The following TNR variants were observed in gnomAD, a reference collection of about 807,000 sequenced individuals.
TNR encodes tenascin R, also known as tenascin-R.
A neutral mutation model predicts 150.4 loss-of-function variants in TNR; 45 were observed. The ratio of observed to expected loss-of-function variants is 0.30; its 90% CI spans 0.24 to 0.38. The LOEUF (loss-of-function observed/expected upper bound fraction) is 0.38, where lower values mean the gene tolerates loss of function less well. Ranked by LOEUF, TNR falls within the 10% of genes least tolerant of loss-of-function variation. TNR has a pLI of 1.00. For synonymous variants in TNR, 687 were observed against 678.4 expected, an observed-to-expected ratio of 1.01 and a Z score of -0.20; for missense variants, 1,544 against 1,759.1, an observed-to-expected ratio of 0.88 and a Z score of 2.19.
chr1:175,656,090 G>C (rs1373390962), intron 1 of TNR, among the ~76,000 whole-genome samples: 2 of 151,628 alleles, frequency 1.3e-5, no homozygotes, highest in Non-Finnish European at 2.9e-5. Flanking sequence ...CCCAGACAGG[G>C]CACCTTTAAA....
intron 1 of TNR, among the ~76,000 whole-genome samples, chr1:175,643,914 C>G (rs1664738339): frequency 6.6e-6 from 1 of 152,180 alleles, no homozygotes; most frequent in South Asian, 2.1e-4. Context: ...TGAAAGTCAG[C>G]AATCATGTGC....
chr1:175,479,547 T>TGGAAAAC (rs1483336297), intron 2 of TNR, among the ~76,000 whole-genome samples: 14 of 152,150 alleles, frequency 9.2e-5, no homozygotes, highest in African/African-American at 3.4e-4. Flanking sequence ...AATTCTCAAG[T>TGGAAAAC]TTTCCATGAG....
In TNR at chr1:175,741,352, G is replaced by A. The variant is rs78483896; in HGVS notation, c.-165+1874C>T. On this transcript the variant is annotated intron_variant, in intron 1 of 22. Transcript: ENST00000367674. Reference sequence around the variant, plus strand: ...CTTTTTTTTCAGAGAAAATTTAAGGGCATTAATGAGATAATGACTACTAAG... The same window carrying A: ...CTTTTTTTTCAGAGAAAATTTAAGGACATTAATGAGATAATGACTACTAAG... Among the ~76,000 whole-genome samples the A allele has an allele frequency of 4.6e-5, 7 of 152,222 alleles. No homozygotes were observed. The East Asian group carries it at 1.3e-3, about 29-fold the overall frequency.
chr1:175,678,252 G>A (rs1264348235), intron 1 of TNR, among the ~76,000 whole-genome samples: 2 of 152,282 alleles, frequency 1.3e-5, no homozygotes, highest in East Asian at 1.9e-4. Context: ...TGGAATGATG[G>A]AATTTTGTGC....
intron 2 of TNR, among the ~76,000 whole-genome samples, chr1:175,414,220 T>C (rs1302255733): frequency 6.6e-6 from 1 of 151,704 alleles, no homozygotes; most frequent in Non-Finnish European, 1.5e-5. Context: ...CAGTTTACGG[T>C]ATTTTCTTTT....
intron 1 of TNR, among the ~76,000 whole-genome samples, chr1:175,674,575 G>A (rs561657201): frequency 2.0e-5 from 3 of 152,198 alleles, no homozygotes; most frequent in Non-Finnish European, 4.4e-5. Flanking sequence ...TGTGGGGTTA[G>A]GGGGAGCAGT....
At chr1:175,581,207 T>A (rs1415225793) in intron 1 of TNR, among the ~76,000 whole-genome samples, 3 of 152,174 alleles carry the variant, frequency 2.0e-5, no homozygotes, top group Admixed American at 1.3e-4. Flanking sequence ...GAACCGCTCA[T>A]CCTTGCCTAC....
At chr1:175,523,774 G>A (rs1017902679) in intron 2 of TNR, among the ~76,000 whole-genome samples, 5 of 152,154 alleles carry the variant, frequency 3.3e-5, no homozygotes, top group African/African-American at 9.7e-5. Context: ...ACATGATCAT[G>A]TCACTCCTGC....
At chr1:175,374,164 G>C (rs897591904) in intron 9 of TNR, among the ~76,000 whole-genome samples, 1 of 152,196 alleles carries the variant, frequency 6.6e-6, no homozygotes, top group African/African-American at 2.4e-5. Context: ...TGGACATTGA[G>C]TGCCGTGGTC....
intron 1 of TNR, among the ~76,000 whole-genome samples, chr1:175,739,533 T>G (rs746508336): frequency 6.6e-6 from 1 of 151,776 alleles, no homozygotes; most frequent in Non-Finnish European, 1.5e-5. Flanking sequence ...CACACACACA[T>G]TCACCAAAGT....
At chr1:175,531,791 C>T (rs1382391604) in intron 1 of TNR, among the ~76,000 whole-genome samples, 1 of 152,242 alleles carries the variant, frequency 6.6e-6, no homozygotes, top group Non-Finnish European at 1.5e-5. Flanking sequence ...ATTATATTTT[C>T]CTTCCTCATC....
At chr1:175,735,833 C>T (rs866712945) in intron 1 of TNR, among the ~76,000 whole-genome samples, 2 of 152,104 alleles carry the variant, frequency 1.3e-5, no homozygotes, top group African/African-American at 4.8e-5. Context: ...GAATAGGGCT[C>T]GGAAACCCTC....
chr1:175,326,909 GC>G (rs1347264106), intron 21 of TNR, among the ~76,000 whole-genome samples: 3 of 151,252 alleles, frequency 2.0e-5, no homozygotes. Context: ...CTCATGATCT[GC>G]CCGCCTCGGC....
chr1:175,408,040 C>T (rs1654039048), intron 2 of TNR, among the ~76,000 whole-genome samples: 1 of 152,184 alleles, frequency 6.6e-6, no homozygotes, highest in Non-Finnish European at 1.5e-5. Context: ...CTTTTCCCTC[C>T]TGCCTCCTCT....
At chr1:175,552,175 G>A (rs969955795) in intron 1 of TNR, among the ~76,000 whole-genome samples, 5 of 152,146 alleles carry the variant, frequency 3.3e-5, no homozygotes, top group Non-Finnish European at 7.4e-5. Flanking sequence ...CGGTAGGTAG[G>A]AGGCCATAGA....
intron 1 of TNR, among the ~76,000 whole-genome samples, chr1:175,641,127 A>C (rs552173274): frequency 1.3e-5 from 2 of 152,316 alleles, no homozygotes; most frequent in African/African-American, 4.8e-5. Context: ...AAATACATGA[A>C]ATTTGGAGAA....
At chr1:175,724,537 G>C (rs1399389261) in intron 1 of TNR, among the ~76,000 whole-genome samples, 2 of 152,144 alleles carry the variant, frequency 1.3e-5, no homozygotes, top group African/African-American at 4.8e-5. Context: ...GATTTGGTGG[G>C]TACACAGATC....
chr1:175,374,028 C>A (rs1275176859), intron 9 of TNR, among the ~76,000 whole-genome samples: 2 of 152,236 alleles, frequency 1.3e-5, no homozygotes, highest in African/African-American at 4.8e-5. Flanking sequence ...TGAGCACTGT[C>A]TGGCCCGGGA....
chr1:175,369,877 T>C (rs1652016316), intron 9 of TNR, among the ~76,000 whole-genome samples: 1 of 152,190 alleles, frequency 6.6e-6, no homozygotes. Flanking sequence ...CCTTCCTCAG[T>C]AGGCTTTTGT....
Sources: allele counts gnomAD v4.1 joint callset (sites outside exome capture counted in the v4.1 genomes callset), GRCh38; gene constraint gnomAD v4.1.1; transcripts MANE v1.5; gene names NCBI Gene and HGNC (gene_info 2026-07-23, HGNC 2026-07-21).